The following PRKAR2B variants were observed in gnomAD, a reference collection of about 807,000 sequenced individuals.
The protein encoded by PRKAR2B is protein kinase cAMP-dependent type II regulatory subunit beta.
Under a neutral mutation model 49.9 loss-of-function variants are expected in PRKAR2B, and 14 were observed. The observed-to-expected ratio is 0.28, with a 90% confidence interval of 0.19 to 0.44. The LOEUF (loss-of-function observed/expected upper bound fraction) is 0.44. PRKAR2B is among the 20% of genes least tolerant of loss of function. The pLI, the probability that PRKAR2B is intolerant of heterozygous loss-of-function variation, is 1.00. For synonymous variants in PRKAR2B, 196 were observed against 197.7 expected (o/e 0.99, Z 0.07); for missense variants, 393 against 537.9 (o/e 0.73, Z 2.67).
intron 2 of PRKAR2B, among the ~76,000 whole-genome samples, chr7:107,110,246 GCCCAT>G (rs1031320622): frequency 6.6e-6 from 1 of 152,124 alleles, no homozygotes; most frequent in African/African-American, 2.4e-5. Flanking sequence ...GAGGAGAATT[GCCCAT>G]CCCAACAGTT....
At position 107,092,814 on chromosome 7, in the gene PRKAR2B, C is replaced by A. The variant is rs1794755527; in HGVS notation, c.343+22498C>A. 3.3e-5 allele frequency among the ~76,000 whole-genome samples: 5 copies of A among 152,170 alleles called. No homozygotes were observed. The South Asian group carries it at 1.0e-3, about 32-fold the overall frequency. On this transcript the variant is annotated intron_variant, in intron 2 of 10. Coordinates refer to ENST00000265717, the MANE Select transcript of PRKAR2B (RefSeq NM_002736.3). ...ATTGCTGTGCACCCATTATCACCAT[C>A]CATCCACAGAACTGTTTAATCTTCA...
chr7:107,093,266 T>A (rs989633181), intron 2 of PRKAR2B, among the ~76,000 whole-genome samples: 4 of 152,156 alleles, frequency 2.6e-5, no homozygotes, highest in Non-Finnish European at 4.4e-5. Flanking sequence ...CATGTGGTGA[T>A]TCTGTTTATT....
intron 2 of PRKAR2B, among the ~76,000 whole-genome samples, chr7:107,075,377 A>G (rs1794376858): frequency 6.6e-6 from 1 of 151,434 alleles, no homozygotes. Context: ...CTGGGATTAT[A>G]GGTGTAAGCC....
intron 5 of PRKAR2B, among the ~76,000 whole-genome samples, chr7:107,143,075 T>C (rs1429929644): frequency 1.3e-5 from 2 of 152,218 alleles, no homozygotes; most frequent in African/African-American, 4.8e-5. Context: ...GCCTGCGGTA[T>C]TTTAACAGAT....
At position 107,070,274 on chromosome 7, in the gene PRKAR2B, C is replaced by T. The variant is rs769429297; in HGVS notation, c.308-7C>T. 2 of 1,603,904 alleles carry T rather than the reference C, an allele frequency of 1.2e-6. No individual in the cohort carries two copies. Among genetic ancestry groups the T allele is most frequent in the Non-Finnish European group, 1.7e-6 (2 of 1,173,548 alleles). ...ATCTAATCATATTATTCTGCTTTTTCTTTTAGCTCCAGTAATAAACCGATT... is the reference window on the plus strand; with the variant it reads ...ATCTAATCATATTATTCTGCTTTTTTTTTTAGCTCCAGTAATAAACCGATT... On this transcript the variant is annotated splice_region_variant and splice_polypyrimidine_tract_variant and intron_variant, in intron 1 of 10. Coordinates refer to ENST00000265717, the MANE Select transcript of PRKAR2B (RefSeq NM_002736.3).
chr7:107,107,281 G>A (rs190833621), intron 2 of PRKAR2B, among the ~76,000 whole-genome samples: 4 of 152,074 alleles, frequency 2.6e-5, no homozygotes, highest in African/African-American at 9.6e-5. Flanking sequence ...AGGTTGTAGT[G>A]AGCCGACATG....
chr7:107,161,464 T>C lies in PRKAR2B; in HGVS notation c.*1882T>C, dbSNP rs1796195701. On this transcript the variant is annotated 3_prime_UTR_variant, in exon 11 of 11. Coordinates refer to ENST00000265717, the MANE Select transcript of PRKAR2B (RefSeq NM_002736.3). ...TTATTTTCAGTATTGTTGGTTATAT[T>C]TAAATTTTCCTTACAATAAAGCACA... The C allele has an allele frequency of 6.5e-6, 1 of 152,676 alleles. No homozygotes were observed. Among genetic ancestry groups the C allele is most frequent in the Non-Finnish European group, 1.5e-5 (1 of 68,048 alleles). The allele number at this position is 152,676 out of a possible 1,614,324, so 9.5% of individuals were successfully genotyped here. A position where few individuals can be genotyped will look rare whatever the true frequency, so the allele number is the denominator to read the frequency against.
intron 8 of PRKAR2B, among the ~76,000 whole-genome samples, chr7:107,154,365 A>G (rs1796042007): frequency 6.6e-6 from 1 of 152,226 alleles, no homozygotes; most frequent in African/African-American, 2.4e-5. Context: ...TTCACAGACC[A>G]TATTCAGTTT....
chr7:107,149,619 A>C (rs1320358624), intron 6 of PRKAR2B, among the ~76,000 whole-genome samples: 1 of 152,072 alleles, frequency 6.6e-6, no homozygotes, highest in Non-Finnish European at 1.5e-5. Context: ...ACCACCTAAT[A>C]CTATCCTGGG....
At chr7:107,086,217 GGT>G (rs1410830455) in intron 2 of PRKAR2B, among the ~76,000 whole-genome samples, 1 of 151,988 alleles carries the variant, frequency 6.6e-6, no homozygotes, top group Non-Finnish European at 1.5e-5. Flanking sequence ...ACAGATCTGA[GGT>G]TCAATGGCTT....
At chr7:107,119,106 A>G (rs944896827) in intron 2 of PRKAR2B, among the ~76,000 whole-genome samples, 2 of 152,364 alleles carry the variant, frequency 1.3e-5, no homozygotes, top group African/African-American at 2.4e-5. Context: ...CTTACTCCAG[A>G]TGATTTTTAA....
Position 107,144,510 on chromosome 7 carries a change from G to T in PRKAR2B, c.588-1798G>T, listed in dbSNP as rs564044725. On this transcript the variant is annotated intron_variant, in intron 5 of 10. Coordinates refer to ENST00000265717, the MANE Select transcript of PRKAR2B (RefSeq NM_002736.3). The stretch of plus-strand genomic sequence containing the variant: ...GTGTCTCACTTTCTTGCCTAGGCTC[G>T]AGTGCAGTGGTGCAGTCACAGCTCA... Among the ~76,000 whole-genome samples, 4 of 151,976 alleles carry T rather than the reference G, an allele frequency of 2.6e-5. No homozygotes were observed. In the East Asian group the frequency reaches 7.7e-4, roughly 29 times the overall value.
Position 107,070,295 on chromosome 7 carries a change from C to A in PRKAR2B, c.322C>A (p.Arg108=). 6.2e-7 allele frequency: 1 copy of A among 1,606,422 alleles called. No homozygotes were observed. ...AGAFNAPVIN[R]FTRRASVCAE... is the part of the protein sequence containing the mutation. ...TTTTCTTTTAGCTCCAGTAATAAAC[C>A]GATTCACAAGGCGTGCCTCAGGTAA... is the stretch of plus-strand genomic sequence containing the variant. The change falls in exon 2 of 11, where the codon CGA becomes AGA. Residue 108 remains arginine (R), a synonymous_variant. Transcript: ENST00000265717.
chr7:107,053,829 G>A (rs58386564), intron 1 of PRKAR2B, among the ~76,000 whole-genome samples: 10,718 of 152,100 alleles, frequency 0.07, 526 homozygotes, highest in South Asian at 0.18. Flanking sequence ...GTAAATTATG[G>A]AAATACCAGT....
chr7:107,126,413 T>A (rs1410607957), intron 3 of PRKAR2B, among the ~76,000 whole-genome samples: 2 of 98,988 alleles, frequency 2.0e-5, no homozygotes, highest in Non-Finnish European at 3.9e-5. Context: ...AGAGTGAGAA[T>A]CTGTCTCAAA....
intron 3 of PRKAR2B, among the ~76,000 whole-genome samples, chr7:107,123,588 T>G (rs1177318414): frequency 6.6e-6 from 1 of 152,198 alleles, no homozygotes; most frequent in African/African-American, 2.4e-5. Context: ...TGAAACGGGT[T>G]CAGCTACCCA....
intron 2 of PRKAR2B, among the ~76,000 whole-genome samples, chr7:107,084,585 T>C (rs1283885431): frequency 1.3e-5 from 2 of 151,778 alleles, no homozygotes; most frequent in Non-Finnish European, 2.9e-5. Context: ...ACTGGGAAAA[T>C]CAATTTAATT....
Position 107,141,047 on chromosome 7 carries a change from A to G in PRKAR2B, c.587+94A>G, listed in dbSNP as rs964905045. The G allele has an allele frequency of 5.1e-5, 44 of 857,394 alleles. 1 individual carries two copies. The highest frequency in any genetic ancestry group is 6.8e-5 in the Non-Finnish European group (37 of 541,794). 53.1% of individuals were successfully genotyped at this position (857,394 alleles called of 1,614,324 possible). A position where few individuals can be genotyped will look rare whatever the true frequency, so the allele number is the denominator to read the frequency against. On this transcript the variant is annotated intron_variant, in intron 5 of 10. Coordinates refer to ENST00000265717, the MANE Select transcript of PRKAR2B (RefSeq NM_002736.3). The stretch of plus-strand genomic sequence containing the variant: ...GGCAACTGACAGGTTAATATAGGAT[A>G]GTTGTTATTGCCGCTACTCTTATTA...
At chr7:107,065,207 G>T (rs1044588223) in intron 1 of PRKAR2B, among the ~76,000 whole-genome samples, 6 of 152,182 alleles carry the variant, frequency 3.9e-5, no homozygotes, top group Admixed American at 3.9e-4. Flanking sequence ...AGATTATTGT[G>T]TATATTTCAC....
Sources: gnomAD v4.1 joint callset for allele counts (sites outside exome capture counted in the v4.1 genomes callset) on GRCh38, gnomAD v4.1.1 for gene constraint, MANE v1.5 for transcripts, NCBI Gene and HGNC (gene_info 2026-07-23, HGNC 2026-07-21) for gene names.